The following ZNF662 variants were observed in gnomAD, a reference collection of about 807,000 sequenced individuals.
The protein encoded by ZNF662 is zinc finger protein 662.
ZNF662 carries 14 observed loss-of-function variants against 12.4 expected under a neutral mutation model. That is an observed-to-expected ratio of 1.13 (90% confidence interval 0.75 to 1.77). The LOEUF is 1.77. ZNF662 is among the 40% of genes most tolerant of loss of function. ZNF662 has a pLI of 0.00. For missense variants in ZNF662, 550 were observed against 515.6 expected (o/e 1.07, Z -0.65); for synonymous variants, 184 against 176.4 (o/e 1.04, Z -0.34).
At chr3:42,910,934 G>C (rs930726264) in intron 3 of ZNF662, among the ~76,000 whole-genome samples, 3 of 152,128 alleles carry the variant, frequency 2.0e-5, no homozygotes, top group Non-Finnish European at 2.9e-5. Flanking sequence ...AGGTAGAGTG[G>C]GCTGCAGGTA....
intron 3 of ZNF662, among the ~76,000 whole-genome samples, chr3:42,912,474 T>A (rs2088815402): frequency 1.7e-5 from 1 of 59,460 alleles, no homozygotes; most frequent in Non-Finnish European, 2.9e-5. Flanking sequence ...TAATATATAT[T>A]TTTATATATT....
At chr3:42,909,476 C>T (rs1456507645) in intron 3 of ZNF662, among the ~76,000 whole-genome samples, 3 of 152,302 alleles carry the variant, frequency 2.0e-5, no homozygotes, top group South Asian at 2.1e-4. Flanking sequence ...TCTACACAGA[C>T]ACAGTAACAA....
At chr3:42,908,315 G>T (rs2088713193) in intron 2 of ZNF662, 167 bp downstream of exon 2, 1 of 1,412,930 alleles carries the variant, frequency 7.1e-7, no homozygotes, top group African/African-American at 1.4e-5. Context: ...GGAAGTCCTG[G>T]TATCAGTTTG....
At chr3:42,911,458 ATCTTTGCTTT>A (rs1559380942) in intron 3 of ZNF662, among the ~76,000 whole-genome samples, 1 of 152,142 alleles carries the variant, frequency 6.6e-6, no homozygotes, top group African/African-American at 2.4e-5. Context: ...GGAATTTCTC[ATCTTTGCTTT>A]TCTTTGCTTT....
chr3:42,918,792 C>T lies in ZNF662; in HGVS notation c.*3438C>T, dbSNP rs2088921316. ...TCATTTGAGGTTCCAATTGCATGAA[C>T]ATTCAGAGTTCAATGGCCTGAAGGT... On this transcript the variant is annotated 3_prime_UTR_variant, in exon 5 of 5. Coordinates refer to ENST00000440367, the MANE Select transcript of ZNF662 (RefSeq NM_207404.4). Among the ~76,000 whole-genome samples the T allele has an allele frequency of 6.6e-6, 1 of 152,208 alleles. No homozygotes were observed. The highest frequency in any genetic ancestry group is 2.1e-4 in the South Asian group (1 of 4,808).
rs1345522726 is a variant in ZNF662, at chr3:42,917,794, T to C, written c.*2440T>C. Reference sequence around the variant, plus strand: ...CTCAGTTTTATCTCATCTCAGTTGCTTGGAAGTTGAGCATCTAAATAGGTG... The same window carrying C: ...CTCAGTTTTATCTCATCTCAGTTGCCTGGAAGTTGAGCATCTAAATAGGTG... On this transcript the variant is annotated 3_prime_UTR_variant, in exon 5 of 5. Coordinates refer to ENST00000440367, the MANE Select transcript of ZNF662 (RefSeq NM_207404.4). Among the ~76,000 whole-genome samples the C allele has an allele frequency of 6.6e-6, 1 of 152,226 alleles. No homozygotes were observed. Among genetic ancestry groups the C allele is most frequent in the Non-Finnish European group, 1.5e-5 (1 of 68,028 alleles).
Position 42,906,305 on chromosome 3 carries a change from T to C in ZNF662, c.-94+137T>C. On this transcript the variant is annotated intron_variant, in intron 1 of 4. Transcript: ENST00000440367. The surrounding 1 kb of genome is among the most constrained non-coding windows in gnomAD (Gnocchi z 4.4). ...GCTCTTCCGCGACCCCAACAGCCTC[T>C]GGTCCGGTCTGGCGCGCCCTCGCTT... 6.6e-7 allele frequency: 1 copy of C among 1,516,100 alleles called. No homozygotes were observed. Among genetic ancestry groups the C allele is most frequent in the Non-Finnish European group, 8.8e-7 (1 of 1,133,996 alleles). The allele number at this position is 1,516,100 out of a possible 1,614,324, so 93.9% of individuals were successfully genotyped here.
intron 4 of ZNF662, among the ~76,000 whole-genome samples, chr3:42,914,126 G>A (rs9985366): frequency 9.1e-4 from 135 of 148,942 alleles, no homozygotes; most frequent in African/African-American, 2.9e-3. Flanking sequence ...ATCATAGCCC[G>A]CAGGGATTCT....
intron 2 of ZNF662, chr3:42,908,564 A>G: frequency 7.4e-7 from 1 of 1,357,128 alleles, no homozygotes; most frequent in South Asian, 1.8e-5. Flanking sequence ...AATGAGTGAA[A>G]TCATCCATTT....
chr3:42,917,336 A>G lies in ZNF662; in HGVS notation c.*1982A>G, dbSNP rs2088905141. On this transcript the variant is annotated 3_prime_UTR_variant, in exon 5 of 5. Coordinates refer to ENST00000440367, the MANE Select transcript of ZNF662 (RefSeq NM_207404.4). ...GAGGAGATACTGGCTCTTCTGGAAA[A>G]GAGAGGCTTTTCTTCATCGAGAGCT... 1 of 599,164 alleles carries G rather than the reference A, an allele frequency of 1.7e-6. No individual in the cohort carries two copies. Among genetic ancestry groups the G allele is most frequent in the Non-Finnish European group, 2.9e-6 (1 of 340,468 alleles). The allele number at this position is 599,164 out of a possible 1,614,324, so 37.1% of individuals were successfully genotyped here. A position where few individuals can be genotyped will look rare whatever the true frequency, so the allele number is the denominator to read the frequency against.
chr3:42,906,499 G>T lies in ZNF662; in HGVS notation c.-94+331G>T, dbSNP rs923296294. On this transcript the variant is annotated intron_variant, in intron 1 of 4. Transcript: ENST00000440367. This position sits in a 1 kb window ranked among gnomAD's most constrained non-coding sequence, Gnocchi z 4.4. ...TGGCCCTGCCCTGGGTTCTAGGCCC[G>T]GAGACGGGGTGGTGCGGCGGCTGGG... is the stretch of plus-strand genomic sequence containing the variant. The T allele has an allele frequency of 1.5e-6, 2 of 1,353,790 alleles. No individual in the cohort carries two copies. The highest frequency in any genetic ancestry group is 1.6e-5 in the South Asian group (1 of 61,392). The allele number at this position is 1,353,790 out of a possible 1,614,324, so 83.9% of individuals were successfully genotyped here. A position where few individuals can be genotyped will look rare whatever the true frequency, so the allele number is the denominator to read the frequency against.
intron 4 of ZNF662, among the ~76,000 whole-genome samples, chr3:42,913,748 C>T (rs1242574055): frequency 2.0e-5 from 3 of 152,112 alleles, no homozygotes; most frequent in Non-Finnish European, 4.4e-5. Flanking sequence ...GAATAAGACA[C>T]TATGAGAACA....
At position 42,906,508 on chromosome 3, in the gene ZNF662, G is replaced by T. The variant is rs1348618975; in HGVS notation, c.-94+340G>T. 1.5e-6 allele frequency: 2 copies of T among 1,334,272 alleles called. No homozygotes were observed. Among genetic ancestry groups the T allele is most frequent in the South Asian group, 1.6e-5 (1 of 60,836 alleles). The allele number at this position is 1,334,272 out of a possible 1,614,324, so 82.7% of individuals were successfully genotyped here. A position where few individuals can be genotyped will look rare whatever the true frequency, so the allele number is the denominator to read the frequency against. On this transcript the variant is annotated intron_variant, in intron 1 of 4. Transcript: ENST00000440367. The surrounding 1 kb of genome is among the most constrained non-coding windows in gnomAD (Gnocchi z 4.4). Reference sequence around the variant, plus strand: ...CCTGGGTTCTAGGCCCGGAGACGGGGTGGTGCGGCGGCTGGGAAATGGGGG... The same window carrying T: ...CCTGGGTTCTAGGCCCGGAGACGGGTTGGTGCGGCGGCTGGGAAATGGGGG...
Position 42,913,256 on chromosome 3 carries a change from A to G in ZNF662, c.207A>G (p.Pro69=), listed in dbSNP as rs758927556. ...GISHPEQVEE[P]LNLKLQGEGP... Reference sequence around the variant, plus strand: ...CCCATCCTGAGCAGGTGGAAGAGCCATTAAACCTGAAACTGCAAGGAGAGG... The same window carrying G: ...CCCATCCTGAGCAGGTGGAAGAGCCGTTAAACCTGAAACTGCAAGGAGAGG... Residue 69 remains proline, a synonymous_variant, in exon 4 of 5, where the codon CCA becomes CCG. Transcript: ENST00000440367. 1 of 1,614,122 alleles carries G rather than the reference A, an allele frequency of 6.2e-7. No individual in the cohort carries two copies. Among genetic ancestry groups the G allele is most frequent in the Non-Finnish European group, 8.5e-7 (1 of 1,179,968 alleles).
Position 42,908,020 on chromosome 3 carries a change from A to G in ZNF662, c.-93-2A>G. ...AGGGCATTTAAACACATGTTGTTTC[A>G]GGAGTCAGTGACCTTCGAGGATGTG... On this transcript the variant is annotated splice_acceptor_variant, in intron 1 of 4. Coordinates refer to ENST00000440367, the MANE Select transcript of ZNF662 (RefSeq NM_207404.4). LOFTEE classifies it low-confidence loss of function (5UTR_SPLICE). The G allele has an allele frequency of 1.2e-6, 2 of 1,614,114 alleles. No individual in the cohort carries two copies. Among genetic ancestry groups the G allele is most frequent in the Non-Finnish European group, 1.7e-6 (2 of 1,179,988 alleles).
rs1259502978 is a variant in ZNF662, at chr3:42,906,327, G to A, written c.-94+159G>A. 2.0e-6 allele frequency: 3 copies of A among 1,526,584 alleles called. No individual in the cohort carries two copies. The highest frequency in any genetic ancestry group is 2.0e-5 in the Admixed American group (1 of 50,178). The allele number at this position is 1,526,584 out of a possible 1,614,324, so 94.6% of individuals were successfully genotyped here. A position where few individuals can be genotyped will look rare whatever the true frequency, so the allele number is the denominator to read the frequency against. Reference sequence around the variant, plus strand: ...CTCTGGTCCGGTCTGGCGCGCCCTCGCTTTCCCAGAGGGCGACCTGGGCTA... The same window carrying A: ...CTCTGGTCCGGTCTGGCGCGCCCTCACTTTCCCAGAGGGCGACCTGGGCTA... On this transcript the variant is annotated intron_variant, in intron 1 of 4. Transcript: ENST00000440367. The surrounding 1 kb of genome is among the most constrained non-coding windows in gnomAD (Gnocchi z 4.4).
At position 42,914,477 on chromosome 3, in the gene ZNF662, T is replaced by C. The variant is rs2088874221; in HGVS notation, c.404T>C (p.Leu135Ser). The C allele has an allele frequency of 8.1e-6, 13 of 1,613,998 alleles. No homozygotes were observed. Among genetic ancestry groups the C allele is most frequent in the Non-Finnish European group, 9.3e-6 (11 of 1,179,998 alleles). The change falls in exon 5 of 5, where the codon TTA (leucine) becomes TCA (serine). Residue 135 changes from leucine to serine, a missense_variant. Leu to Ser is a moderately radical substitution (Grantham distance 145). Coordinates refer to ENST00000440367, the MANE Select transcript of ZNF662 (RefSeq NM_207404.4). ...FGKTCEEKSR[L>S]GRWPGYLNGG... is the part of the protein sequence containing the mutation. ...AAAACCTGTGAAGAGAAAAGCAGGT[T>C]AGGGAGATGGCCTGGTTACCTCAAT...
intron 4 of ZNF662, among the ~76,000 whole-genome samples, chr3:42,914,012 T>C (rs537158614): frequency 1.3e-5 from 2 of 152,038 alleles, no homozygotes; most frequent in African/African-American, 4.8e-5. Flanking sequence ...TCTCATGGTA[T>C]AAACTGTACT....
At chr3:42,908,413 C>A in intron 2 of ZNF662, 1 of 1,278,700 alleles carries the variant, frequency 7.8e-7, no homozygotes, top group East Asian at 3.1e-5. Context: ...AGAGCAAATT[C>A]ATGGTGCTCC....
Sources: allele counts gnomAD v4.1 joint callset (sites outside exome capture counted in the v4.1 genomes callset), GRCh38; gene constraint gnomAD v4.1.1; non-coding constraint Gnocchi (gnomAD v3.1); transcripts MANE v1.5; gene names NCBI Gene and HGNC (gene_info 2026-07-23, HGNC 2026-07-21).